The following OSBPL9 variants were observed in gnomAD, a reference collection of about 807,000 sequenced individuals.
OSBPL9 encodes oxysterol binding protein like 9.
OSBPL9 carries 40 observed loss-of-function variants against 106.6 expected under a neutral mutation model. That is an observed-to-expected ratio of 0.38 (90% CI 0.29 to 0.49). The LOEUF (loss-of-function observed/expected upper bound fraction) is 0.49. Among genes scored for constraint, OSBPL9 ranks in the 20% least tolerant of loss-of-function variants. The pLI, the probability that OSBPL9 is intolerant of heterozygous loss-of-function variation, is 0.97. For missense variants in OSBPL9, 609 were observed against 887.2 expected (o/e 0.69, Z 3.98); for synonymous variants, 269 against 295.4 (o/e 0.91, Z 0.92).
At chr1:51,592,108 CTTTTTTTTT>C (rs34379031) in intron 1 of OSBPL9, among the ~76,000 whole-genome samples, 1 of 76,998 alleles carries the variant, frequency 1.3e-5, no homozygotes, top group Non-Finnish European at 2.3e-5. Context: ...GTTGCTAAGG[CTTTTTTTTT>C]TTTTTTTTTT....
intron 4 of OSBPL9, among the ~76,000 whole-genome samples, chr1:51,737,070 G>T (rs1215518418): frequency 1.3e-5 from 2 of 151,920 alleles, no homozygotes; most frequent in African/African-American, 4.8e-5. Flanking sequence ...ATTTTGCTTG[G>T]TTATATTGGC....
intron 2 of OSBPL9, among the ~76,000 whole-genome samples, chr1:51,668,316 T>C (rs768499286): frequency 3.2e-4 from 49 of 152,136 alleles, no homozygotes; most frequent in Non-Finnish European, 5.3e-4. Flanking sequence ...ACAGAATGCA[T>C]GTAGTTGAAT....
chr1:51,655,484 G>T lies in OSBPL9; in HGVS notation c.162+3443G>T, dbSNP rs529743243. Among the ~76,000 whole-genome samples the T allele has an allele frequency of 2.6e-5, 4 of 152,256 alleles. No homozygotes were observed. In the South Asian group the frequency reaches 8.3e-4, roughly 32 times the overall value. ...ACTTCCCATTCGGCTATCAGCTGCA[G>T]AAAATGCTCTGCTTTTAAAAGACCT... On this transcript the variant is annotated intron_variant, in intron 2 of 23. Transcript: ENST00000428468.
chr1:51,577,420 C>G (rs1380459328), intron 1 of OSBPL9, among the ~76,000 whole-genome samples: 1 of 149,570 alleles, frequency 6.7e-6, no homozygotes, highest in Non-Finnish European at 1.5e-5. Context: ...CTGGTTCAAG[C>G]GTGCCACCAC....
At chr1:51,682,693 G>A (rs1393095138) in intron 3 of OSBPL9, among the ~76,000 whole-genome samples, 1 of 151,262 alleles carries the variant, frequency 6.6e-6, no homozygotes, top group African/African-American at 2.4e-5. Flanking sequence ...GGAGGGGGAA[G>A]TTGTAGTGAG....
the OSBPL9 span, among the ~76,000 whole-genome samples, chr1:51,523,939 A>G: frequency 2.0e-5 from 3 of 152,188 alleles, no homozygotes; most frequent in Admixed American, 1.3e-4. Context: ...ACTATGGAAA[A>G]AAAAACTGAG....
At chr1:51,692,039 G>A (rs997701002) in intron 3 of OSBPL9, among the ~76,000 whole-genome samples, 1 of 152,216 alleles carries the variant, frequency 6.6e-6, no homozygotes, top group African/African-American at 2.4e-5. Context: ...TGAGTGCAGT[G>A]GCTCACACTT....
chr1:51,760,882 T>A, intron 10 of OSBPL9, 102 bp downstream of exon 10: 1 of 1,300,614 alleles, frequency 7.7e-7, no homozygotes, highest in Non-Finnish European at 1.1e-6. Flanking sequence ...TGATTTTCCT[T>A]GTTTTTAATA....
At chr1:51,706,770 TA>T (rs1468702228) in intron 3 of OSBPL9, among the ~76,000 whole-genome samples, 1 of 151,812 alleles carries the variant, frequency 6.6e-6, no homozygotes, top group Non-Finnish European at 1.5e-5. Context: ...CCATATATCA[TA>T]TTTTCATTTA....
intron 1 of OSBPL9, among the ~76,000 whole-genome samples, chr1:51,577,644 GAAA>G (rs1645194279): frequency 6.6e-6 from 1 of 152,164 alleles, no homozygotes; most frequent in African/African-American, 2.4e-5. Flanking sequence ...AAAGAAGAAA[GAAA>G]AAGTGCTATG....
chr1:51,561,680 C>T, the OSBPL9 span: 2 of 152,122 alleles, frequency 1.3e-5, no homozygotes, highest in Non-Finnish European at 2.9e-5. Flanking sequence ...GTCTTTAATA[C>T]AGCATTTGGT....
At chr1:51,634,446 G>T (rs1175434779) in intron 1 of OSBPL9, among the ~76,000 whole-genome samples, 1 of 152,184 alleles carries the variant, frequency 6.6e-6, no homozygotes, top group Non-Finnish European at 1.5e-5. Flanking sequence ...TCTGTGTCGA[G>T]GTTGTAGGGA....
intron 1 of OSBPL9, among the ~76,000 whole-genome samples, chr1:51,619,299 T>A (rs1424080314): frequency 2.0e-5 from 3 of 152,216 alleles, no homozygotes; most frequent in African/African-American, 7.2e-5. Context: ...GGCCCCCAGC[T>A]GAGGTTCTTG....
rs200138705 is a variant in OSBPL9 at position 51,772,143 on chromosome 1, T to C, written c.1012T>C (p.Ser338Pro). 1.2e-4 allele frequency: 200 copies of C among 1,613,984 alleles called. 2 individuals are homozygous for C. The highest frequency in any genetic ancestry group is 5.9e-6 in the Non-Finnish European group (7 of 1,179,846). ...TCTAAAACGCCCAGATACCACAGAA[T>C]CACTTAATTCTTCCTTGTCCAATGG... The part of the protein sequence containing the change: ...NSLKRPDTTE[S>P]LNSSLSNGTS... The change falls in exon 13 of 24, where the codon TCA (serine) becomes CCA (proline). Residue 338 changes from serine to proline, a missense_variant. Ser to Pro is a moderately conservative substitution (Grantham distance 74). Coordinates refer to ENST00000428468, the MANE Select transcript of OSBPL9 (RefSeq NM_024586.6).
chr1:51,666,586 C>T (rs955522969), intron 2 of OSBPL9, among the ~76,000 whole-genome samples: 1 of 152,130 alleles, frequency 6.6e-6, no homozygotes, highest in African/African-American at 2.4e-5. Context: ...ATAACACTGC[C>T]GTCAATCTTG....
At chr1:51,781,557 TAG>T in intron 16 of OSBPL9, 1 of 441,798 alleles carries the variant, frequency 2.3e-6, no homozygotes, top group Admixed American at 3.4e-5. Context: ...CAAGGTCTTG[TAG>T]ACCATAATAT....
At chr1:51,703,964 C>G (rs1476830411) in intron 3 of OSBPL9, among the ~76,000 whole-genome samples, 1 of 152,172 alleles carries the variant, frequency 6.6e-6, no homozygotes, top group Admixed American at 6.5e-5. Flanking sequence ...GTTGAACCAG[C>G]CTTGCATCCC....
intron 9 of OSBPL9, chr1:51,759,617 G>C (rs1671077171): frequency 6.6e-6 from 1 of 152,122 alleles, no homozygotes; most frequent in South Asian, 2.1e-4. Flanking sequence ...GGTTTGCCCA[G>C]TTTAGTCTTC....
chr1:51,538,354 G>C, the OSBPL9 span, among the ~76,000 whole-genome samples: 4 of 152,144 alleles, frequency 2.6e-5, no homozygotes, highest in Non-Finnish European at 5.9e-5. Flanking sequence ...CATCCATTCT[G>C]CTAACAAAAA....
Sources: allele counts gnomAD v4.1 joint callset (sites outside exome capture counted in the v4.1 genomes callset), GRCh38; gene constraint gnomAD v4.1.1; transcripts MANE v1.5; gene names NCBI Gene and HGNC (gene_info 2026-07-23, HGNC 2026-07-21).